DYSF: variants seen among roughly 807,000 people sequenced by gnomAD.
DYSF encodes the protein dystrophy-associated fer-1-like 1.
A neutral mutation model predicts 274.9 loss-of-function variants in DYSF; 212 were observed. The observed-to-expected ratio is 0.77, with a 90% confidence interval of 0.69 to 0.86. The LOEUF (loss-of-function observed/expected upper bound fraction) is 0.86, where lower values mean the gene tolerates loss of function less well. Ranked by LOEUF, DYSF falls within the 40% of genes least tolerant of loss-of-function variation. DYSF has a pLI of 0.00. For synonymous variants in DYSF, 1,091 were observed against 1,078.7 expected, an observed-to-expected ratio of 1.01 and a Z score of -0.22; for missense variants, 2,666 against 2,783.2, an observed-to-expected ratio of 0.96 and a Z score of 0.95.
chr2:71,641,375 T>A (rs1027143839), intron 41 of DYSF, among the ~76,000 whole-genome samples: 3 of 151,930 alleles, frequency 2.0e-5, no homozygotes, highest in African/African-American at 7.3e-5. Context: ...GAGACGGGGT[T>A]TCACCGTGTT....
At chr2:71,640,522 A>C (rs2094470206) in intron 41 of DYSF, among the ~76,000 whole-genome samples, 1 of 152,148 alleles carries the variant, frequency 6.6e-6, no homozygotes, top group Non-Finnish European at 1.5e-5. Flanking sequence ...AAATATATTG[A>C]TATTTAAATT....
chr2:71,638,530 G>A (rs985855897), intron 41 of DYSF, among the ~76,000 whole-genome samples: 2 of 152,072 alleles, frequency 1.3e-5, no homozygotes, highest in African/African-American at 4.8e-5. Context: ...AATATTTTTT[G>A]TTTCTATATA....
At chr2:71,640,052 A>G (rs1038371846) in intron 41 of DYSF, among the ~76,000 whole-genome samples, 3 of 152,246 alleles carry the variant, frequency 2.0e-5, no homozygotes, top group Admixed American at 6.5e-5. Context: ...AATTGAGTCC[A>G]AGAGAGGTTA....
intron 12 of DYSF, among the ~76,000 whole-genome samples, chr2:71,525,242 C>T (rs184695769): frequency 6.8e-4 from 102 of 150,122 alleles, no homozygotes; most frequent in Non-Finnish European, 1.2e-3. Context: ...ATGGTGGGGG[C>T]GGGGGGCGGT....
At chr2:71,598,401 A>G (rs2093457689) in intron 32 of DYSF, among the ~76,000 whole-genome samples, 163 bp from the exon 33 acceptor site, 1 of 152,196 alleles carries the variant, frequency 6.6e-6, no homozygotes, top group Admixed American at 6.5e-5. Context: ...TGGTGGGGCT[A>G]GGAGAGCCCC....
chr2:71,601,311 A>T, intron 34 of DYSF, 188 bp from the exon 35 acceptor site: 1 of 746,748 alleles, frequency 1.3e-6, no homozygotes, highest in Non-Finnish European at 2.3e-6. Flanking sequence ...GAATAGGAGT[A>T]GGGCTGCTCT....
chr2:71,503,649 C>T (rs1397012309), intron 4 of DYSF, among the ~76,000 whole-genome samples: 1 of 152,188 alleles, frequency 6.6e-6, no homozygotes, highest in African/African-American at 2.4e-5. Context: ...ACCTAGTCTC[C>T]CTGGCAGACC....
chr2:71,680,906 A>G (rs1244869013), intron 53 of DYSF, 95 bp from the exon 54 acceptor site: 2 of 950,208 alleles, frequency 2.1e-6, no homozygotes, highest in East Asian at 2.5e-5. Context: ...TTTTTAAATA[A>G]TGAAGTGGCC....
At chr2:71,684,567 C>T (rs1326182906) in intron 55 of DYSF, among the ~76,000 whole-genome samples, 2 of 152,182 alleles carry the variant, frequency 1.3e-5, no homozygotes, top group Admixed American at 1.3e-4. Flanking sequence ...AGGAAAAGTA[C>T]TGTGGATGAT....
At chr2:71,671,801 G>A (rs1246800118) in intron 51 of DYSF, among the ~76,000 whole-genome samples, 1 of 152,206 alleles carries the variant, frequency 6.6e-6, no homozygotes, top group African/African-American at 2.4e-5. Context: ...TTGTGGTTTT[G>A]TCTCTGCATC....
At chr2:71,526,124 C>A (rs1461599816) in intron 12 of DYSF, 96 bp from the exon 13 acceptor site, 34 of 1,608,438 alleles carry the variant, frequency 2.1e-5, no homozygotes, top group Non-Finnish European at 2.9e-5. Context: ...CTGCAGAATG[C>A]AGCATTTATG....
rs10656285 is a variant in DYSF at position 71,544,459 on chromosome 2, C to CTTTT, written c.1576+5234_1576+5237dup. Among the ~76,000 whole-genome samples the CTTTT allele has an allele frequency of 2.9e-4, 38 of 129,040 alleles. 1 individual carries two copies. Among genetic ancestry groups the CTTTT allele is most frequent in the African/African-American group, 7.4e-4 (25 of 33,760 alleles). 84.7% of individuals were successfully genotyped at this position (129,040 alleles called of 152,430 possible). ...AGGAGATACCATTTTTAAAAATGTT[C>CTTTT]TTTTTTTTTTTTTTTTTGAGATGGA... On this transcript the variant is annotated intron_variant, in intron 17 of 55. Transcript: ENST00000410020.
At chr2:71,548,800 AG>A (rs57112461) in intron 17 of DYSF, among the ~76,000 whole-genome samples, 3,177 of 151,950 alleles carry the variant, frequency 0.021, 103 homozygotes, top group African/African-American at 0.069. Flanking sequence ...TGGAGCCTTC[AG>A]GGGGGTGATC....
At chr2:71,653,553 C>T (rs926474179) in intron 42 of DYSF, among the ~76,000 whole-genome samples, 3 of 151,092 alleles carry the variant, frequency 2.0e-5, no homozygotes, top group Non-Finnish European at 4.4e-5. Flanking sequence ...AGCAAACTAT[C>T]GCAAGGACAA....
chr2:71,555,826 G>A, intron 21 of DYSF, 139 bp from the exon 22 acceptor site: 1 of 721,938 alleles, frequency 1.4e-6, no homozygotes, highest in Non-Finnish European at 2.5e-6. Flanking sequence ...CTGGTTTGTT[G>A]GGCCTGGACT....
chr2:71,679,291 A>G, intron 53 of DYSF, 56 bp downstream of exon 53: 1 of 1,552,032 alleles, frequency 6.4e-7, no homozygotes, highest in Non-Finnish European at 8.8e-7. Flanking sequence ...TCTTCCATAG[A>G]AATTGTCAGA....
chr2:71,586,945 C>T (rs1239464475), intron 30 of DYSF, among the ~76,000 whole-genome samples: 5 of 152,198 alleles, frequency 3.3e-5, no homozygotes, highest in Admixed American at 6.5e-5. Context: ...CCCTATCCTC[C>T]CTACTCCCAC....
At chr2:71,459,463 G>T (rs1335318064) in intron 1 of DYSF, among the ~76,000 whole-genome samples, 1 of 152,144 alleles carries the variant, frequency 6.6e-6, no homozygotes, top group African/African-American at 2.4e-5. Context: ...AGCTGGAGGG[G>T]AAATCCTATG....
At chr2:71,669,283 G>C (rs543718891) in intron 50 of DYSF, 76 bp downstream of exon 50, 1 of 1,280,122 alleles carries the variant, frequency 7.8e-7, no homozygotes, top group East Asian at 2.5e-5. Context: ...CACAGCACGG[G>C]GGGCTCTGGC....
Sources: gnomAD v4.1 joint callset for allele counts (sites outside exome capture counted in the v4.1 genomes callset) on GRCh38, gnomAD v4.1.1 for gene constraint, MANE v1.5 for transcripts, NCBI Gene and HGNC (gene_info 2026-07-23, HGNC 2026-07-21) for gene names.